SMU1: variants seen among roughly 807,000 people sequenced by gnomAD.
SMU1 encodes WD40 repeat-containing protein SMU1.
SMU1 carries 2 observed loss-of-function variants against 62.0 expected under a neutral mutation model. The ratio of observed to expected loss-of-function variants is 0.03; its 90% confidence interval spans 0.01 to 0.10. SMU1 has a LOEUF of 0.10. Among genes scored for constraint, SMU1 ranks in the 10% least tolerant of loss-of-function variants. The pLI is 1.00. For missense variants in SMU1, 227 were observed against 622.1 expected (o/e 0.36, Z 6.76); for synonymous variants, 188 against 212.4 (o/e 0.89, Z 1.00).
chr9:33,055,822 A>G (rs1284857518), intron 9 of SMU1, among the ~76,000 whole-genome samples: 2 of 152,184 alleles, frequency 1.3e-5, no homozygotes, highest in Non-Finnish European at 2.9e-5. Flanking sequence ...TTTAACCACC[A>G]TGTGTATCTG....
At chr9:33,064,306 G>A (rs1032790374) in intron 4 of SMU1, among the ~76,000 whole-genome samples, 2 of 152,090 alleles carry the variant, frequency 1.3e-5, no homozygotes, top group African/African-American at 4.8e-5. Context: ...GATGAAATCT[G>A]TTTACCTTTT....
chr9:33,075,211 C>A (rs1839532639), intron 1 of SMU1, among the ~76,000 whole-genome samples: 2 of 152,142 alleles, frequency 1.3e-5, no homozygotes, highest in African/African-American at 4.8e-5. Context: ...CCCGTCTCTA[C>A]TAAAAATACA....
At chr9:33,053,061 A>G (rs1167103395) in intron 10 of SMU1, 62 bp downstream of exon 10, 1 of 1,516,396 alleles carries the variant, frequency 6.6e-7, no homozygotes, top group Non-Finnish European at 9.1e-7. Context: ...GGCCTGGACC[A>G]GGAAGTGCTG....
At chr9:33,062,433 C>A (rs898445165) in intron 4 of SMU1, among the ~76,000 whole-genome samples, 1 of 152,256 alleles carries the variant, frequency 6.6e-6, no homozygotes, top group Non-Finnish European at 1.5e-5. Flanking sequence ...AGGAGTGGCT[C>A]TTTTGTTATA....
At position 33,053,087 on chromosome 9, in the gene SMU1, A is replaced by G. The variant is rs1258908949; in HGVS notation, c.1290+36T>C. On this transcript the variant is annotated intron_variant, in intron 10 of 11. Transcript: ENST00000397149. Reference sequence around the variant, plus strand: ...GGAAGTGCTGATTTGGGAATGGCCCACAGTTCCTGTGCAAGGGTACGTTCT... The same window carrying G: ...GGAAGTGCTGATTTGGGAATGGCCCGCAGTTCCTGTGCAAGGGTACGTTCT... 6 of 1,597,544 alleles carry G rather than the reference A, an allele frequency of 3.8e-6. No individual in the cohort carries two copies. The African/African-American group carries it at 5.4e-5, about 14-fold the overall frequency.
chr9:33,062,037 T>C lies in SMU1; in HGVS notation c.630+12A>G. On this transcript the variant is annotated intron_variant, in intron 5 of 11. Transcript: ENST00000397149. ...AATGATTACTGACTGGCTGAATGTCTTAGGATCCTACCTTAATATGCCTGC... is the reference window on the plus strand; with the variant it reads ...AATGATTACTGACTGGCTGAATGTCCTAGGATCCTACCTTAATATGCCTGC... The C allele has an allele frequency of 6.2e-7, 1 of 1,612,456 alleles. No individual in the cohort carries two copies. Among genetic ancestry groups the C allele is most frequent in the Non-Finnish European group, 8.5e-7 (1 of 1,179,438 alleles).
intron 9 of SMU1, among the ~76,000 whole-genome samples, chr9:33,055,565 T>C (rs1417136610): frequency 1.3e-5 from 2 of 152,190 alleles, no homozygotes; most frequent in African/African-American, 2.4e-5. Context: ...TTCAAATAAC[T>C]AAATCTTTAA....
At chr9:33,050,783 G>A (rs1839236395) in intron 10 of SMU1, among the ~76,000 whole-genome samples, 1 of 150,534 alleles carries the variant, frequency 6.6e-6, no homozygotes, top group Admixed American at 6.6e-5. Flanking sequence ...CTGAGATTGC[G>A]CCACTGCACT....
intron 4 of SMU1, among the ~76,000 whole-genome samples, chr9:33,065,762 T>G (rs1839412741): frequency 6.6e-6 from 1 of 152,212 alleles, no homozygotes; most frequent in South Asian, 2.1e-4. Flanking sequence ...CTCCCAACCC[T>G]GAGCAACCAC....
intron 5 of SMU1, among the ~76,000 whole-genome samples, chr9:33,060,977 G>A (rs1016249952): frequency 1.3e-5 from 2 of 151,966 alleles, no homozygotes; most frequent in African/African-American, 4.8e-5. Context: ...TATCTCAGGG[G>A]GAAAAAACTC....
chr9:33,054,034 C>CA (rs1465400331), intron 9 of SMU1, among the ~76,000 whole-genome samples: 1 of 152,176 alleles, frequency 6.6e-6, no homozygotes, highest in Non-Finnish European at 1.5e-5. Context: ...CCTGTAATGT[C>CA]AGCACTTTGG....
At chr9:33,059,730 C>T (rs944693197) in intron 6 of SMU1, among the ~76,000 whole-genome samples, 2 of 150,100 alleles carry the variant, frequency 1.3e-5, no homozygotes, top group Admixed American at 6.6e-5. Flanking sequence ...CTCAGTCTCC[C>T]GAGTAGCTGG....
At chr9:33,072,839 C>A (rs10813933) in intron 2 of SMU1, among the ~76,000 whole-genome samples, 52,174 of 138,100 alleles carry the variant, frequency 0.38, 9,954 homozygotes, top group Non-Finnish European at 0.41. Context: ...AAAAAAAAAA[C>A]AAAAAAAAAA....
intron 6 of SMU1, among the ~76,000 whole-genome samples, chr9:33,059,852 T>TC (rs1479109958): frequency 6.6e-6 from 1 of 151,730 alleles, no homozygotes; most frequent in African/African-American, 2.4e-5. Flanking sequence ...CCTCAGGTGA[T>TC]CCACCCGCCT....
intron 9 of SMU1, among the ~76,000 whole-genome samples, chr9:33,053,974 C>A (rs1012549570): frequency 6.6e-6 from 1 of 152,118 alleles, no homozygotes; most frequent in African/African-American, 2.4e-5. Context: ...AGAAAGCTAC[C>A]CTTGTCTGGA....
At chr9:33,061,442 A>G (rs1537040) in intron 5 of SMU1, among the ~76,000 whole-genome samples, 63,476 of 152,010 alleles carry the variant, frequency 0.42, 13,525 homozygotes, top group African/African-American at 0.48. Flanking sequence ...GGAATATGAA[A>G]TATTTTAAAA....
chr9:33,075,147 C>T (rs866993929), intron 1 of SMU1, among the ~76,000 whole-genome samples: 8 of 152,160 alleles, frequency 5.3e-5, no homozygotes, highest in Non-Finnish European at 8.8e-5. Context: ...AAGGCCGAGG[C>T]GGGCAGATCA....
chr9:33,064,586 G>A (rs1839398806), intron 4 of SMU1, among the ~76,000 whole-genome samples: 1 of 152,034 alleles, frequency 6.6e-6, no homozygotes, highest in Non-Finnish European at 1.5e-5. Flanking sequence ...ACAGAATTGG[G>A]TTTTTGCACT....
chr9:33,073,499 C>G, intron 2 of SMU1, 97 bp downstream of exon 2: 2 of 773,434 alleles, frequency 2.6e-6, no homozygotes, highest in South Asian at 1.6e-5. Context: ...TGATGCAGCC[C>G]TACCGTGCTT....
Sources: gnomAD v4.1 joint callset for allele counts (sites outside exome capture counted in the v4.1 genomes callset) on GRCh38, gnomAD v4.1.1 for gene constraint, MANE v1.5 for transcripts, NCBI Gene and HGNC (gene_info 2026-07-23, HGNC 2026-07-21) for gene names.